Variants in DPYD observed in about 807,000 individuals in gnomAD.
DPYD encodes dihydropyrimidine dehydrogenase [NADP(+)].
A neutral mutation model predicts 116.2 loss-of-function variants in DPYD; 109 were observed. That is an observed-to-expected ratio of 0.94 (90% CI 0.80 to 1.10). The LOEUF is 1.10. Among genes scored for constraint, DPYD ranks in the 50% least tolerant of loss-of-function variants. DPYD has a pLI of 0.00. For missense variants in DPYD, 1,302 were observed against 1,254.5 expected (o/e 1.04, Z -0.57); for synonymous variants, 440 against 432.0 (o/e 1.02, Z -0.23).
Position 97,691,763 on chromosome 1 carries a change from T to A in DPYD, c.716A>T (p.Asp239Val). The A allele has an allele frequency of 6.2e-7, 1 of 1,613,638 alleles. No homozygotes were observed. The highest frequency in any genetic ancestry group is 8.5e-7 in the Non-Finnish European group (1 of 1,179,784). The change falls in exon 7 of 23, where the codon GAT becomes GTT. Residue 239 changes from aspartate to valine, a missense_variant. By Grantham distance (152) the Asp-to-Val change is radical. Transcript: ENST00000370192. ...SEIPQFRLPYDVVNFEIELMK... is the reference protein window; with the variant it reads ...SEIPQFRLPYVVVNFEIELMK... ...TAGCTCAATCTCAAAATTCACTACATCATACGGCAGCCGGAACTGAGGAAT... is the reference window on the plus strand; with the variant it reads ...TAGCTCAATCTCAAAATTCACTACAACATACGGCAGCCGGAACTGAGGAAT...
At chr1:97,754,281 G>A (rs1027696722) in intron 3 of DPYD, among the ~76,000 whole-genome samples, 9 of 152,052 alleles carry the variant, frequency 5.9e-5, no homozygotes, top group Non-Finnish European at 1.5e-5. Context: ...GAAGCTAAAG[G>A]ACACAATATT....
At chr1:97,849,890 T>C (rs928862095) in intron 2 of DPYD, among the ~76,000 whole-genome samples, 1 of 152,192 alleles carries the variant, frequency 6.6e-6, no homozygotes, top group African/African-American at 2.4e-5. Flanking sequence ...TCTAAACTTT[T>C]AATTTTGTGA....
At chr1:97,550,745 A>G (rs1651259496) in intron 11 of DPYD, among the ~76,000 whole-genome samples, 1 of 152,218 alleles carries the variant, frequency 6.6e-6, no homozygotes, top group African/African-American at 2.4e-5. Context: ...CTTAAACTAA[A>G]GGAAGAGAGC....
intron 16 of DPYD, among the ~76,000 whole-genome samples, chr1:97,313,640 T>A (rs1667647106): frequency 6.6e-6 from 1 of 151,960 alleles, no homozygotes; most frequent in Non-Finnish European, 1.5e-5. Context: ...CTTATTTTTC[T>A]CTTTCTACCT....
chr1:97,464,430 G>T (rs563656617), intron 13 of DPYD, among the ~76,000 whole-genome samples: 1 of 152,148 alleles, frequency 6.6e-6, no homozygotes, highest in African/African-American at 2.4e-5. Flanking sequence ...TGCCTCCAGG[G>T]CATGTCAGAG....
In DPYD at chr1:97,127,721, A is replaced by G. The variant is rs578034839; in HGVS notation, c.2623-29089T>C. On this transcript the variant is annotated intron_variant, in intron 20 of 22. Coordinates refer to ENST00000370192, the MANE Select transcript of DPYD (RefSeq NM_000110.4). ...CTAATTTACTTGCTACAGATTATAT[A>G]TTTTTTTAGTTATTTTGAGACCTTT... Among the ~76,000 whole-genome samples, 3 of 152,124 alleles carry G rather than the reference A, an allele frequency of 2.0e-5. No individual in the cohort carries two copies. In the East Asian group the frequency reaches 5.8e-4, roughly 29 times the overall value.
intron 3 of DPYD, among the ~76,000 whole-genome samples, chr1:97,790,299 C>T (rs1260594735): frequency 6.6e-6 from 1 of 152,142 alleles, no homozygotes; most frequent in Non-Finnish European, 1.5e-5. Context: ...AGAAAAGTTG[C>T]TGCTAAAAGA....
intron 7 of DPYD, among the ~76,000 whole-genome samples, chr1:97,679,865 T>A (rs750436597): frequency 1.3e-5 from 2 of 152,080 alleles, no homozygotes; most frequent in African/African-American, 2.4e-5. Flanking sequence ...CCCTGAAACA[T>A]CCCTACAAGT....
chr1:97,816,875 T>C (rs1302487356), intron 3 of DPYD, among the ~76,000 whole-genome samples: 1 of 152,194 alleles, frequency 6.6e-6, no homozygotes, highest in Non-Finnish European at 1.5e-5. Flanking sequence ...ACCTCAGTAA[T>C]GTTATATAGT....
intron 3 of DPYD, among the ~76,000 whole-genome samples, chr1:97,749,535 C>T (rs1664753600): frequency 6.6e-6 from 1 of 152,102 alleles, no homozygotes; most frequent in South Asian, 2.1e-4. Context: ...CAGTTAACAG[C>T]TTTAACAGAG....
chr1:97,573,348 G>T (rs1443755551), intron 11 of DPYD, among the ~76,000 whole-genome samples: 1 of 152,138 alleles, frequency 6.6e-6, no homozygotes, highest in Admixed American at 6.6e-5. Context: ...CACAAGGATG[G>T]TAATAAACAC....
At chr1:97,807,727 C>T (rs1197920786) in intron 3 of DPYD, among the ~76,000 whole-genome samples, 1 of 152,080 alleles carries the variant, frequency 6.6e-6, no homozygotes, top group South Asian at 2.1e-4. Flanking sequence ...CCAATAACAT[C>T]TATATTTTCT....
intron 3 of DPYD, among the ~76,000 whole-genome samples, chr1:97,801,045 T>C (rs779891801): frequency 6.6e-6 from 1 of 151,918 alleles, no homozygotes; most frequent in Admixed American, 6.6e-5. Flanking sequence ...CCAATTGTTA[T>C]GGACTGAATG....
intron 5 of DPYD, chr1:97,720,002 A>G: frequency 1.0e-6 from 1 of 985,058 alleles, no homozygotes; most frequent in Non-Finnish European, 1.2e-6. Context: ...CTGAAGGCAC[A>G]TGTCTCTGTC....
chr1:97,633,034 T>A (rs1310545992), intron 8 of DPYD, among the ~76,000 whole-genome samples: 1 of 152,070 alleles, frequency 6.6e-6, no homozygotes, highest in East Asian at 1.9e-4. Context: ...TCAAACTGTA[T>A]CAAATTTGCC....
At chr1:97,901,060 T>C (rs1673345920) in intron 1 of DPYD, among the ~76,000 whole-genome samples, 1 of 151,834 alleles carries the variant, frequency 6.6e-6, no homozygotes, top group Non-Finnish European at 1.5e-5. Flanking sequence ...TTATATCAGA[T>C]GACTATTTGG....
At chr1:97,562,739 G>A (rs1652239088) in intron 11 of DPYD, among the ~76,000 whole-genome samples, 1 of 152,008 alleles carries the variant, frequency 6.6e-6, no homozygotes, top group African/African-American at 2.4e-5. Context: ...ATTTTTTTGA[G>A]ATGGAGTCTC....
chr1:97,169,374 G>A (rs1453405107), intron 20 of DPYD, among the ~76,000 whole-genome samples: 2 of 151,934 alleles, frequency 1.3e-5, no homozygotes, highest in East Asian at 1.9e-4. Context: ...AACTCCAAAT[G>A]TTTACAAATT....
intron 14 of DPYD, among the ~76,000 whole-genome samples, chr1:97,403,286 G>C (rs1570676692): frequency 6.6e-6 from 1 of 152,032 alleles, no homozygotes; most frequent in Admixed American, 6.6e-5. Context: ...ATTGTAAGTC[G>C]AGGAGTGTAG....
Sources: allele counts gnomAD v4.1 joint callset (sites outside exome capture counted in the v4.1 genomes callset), GRCh38; gene constraint gnomAD v4.1.1; transcripts MANE v1.5; gene names NCBI Gene and HGNC (gene_info 2026-07-23, HGNC 2026-07-21).